Variants in SORCS3 observed in about 807,000 individuals in gnomAD.
The protein encoded by SORCS3 is VPS10 domain-containing receptor SorCS3.
A neutral mutation model predicts 146.3 loss-of-function variants in SORCS3; 57 were observed. The ratio of observed to expected loss-of-function variants is 0.39; its 90% CI spans 0.31 to 0.49. The LOEUF (loss-of-function observed/expected upper bound fraction) is 0.49, where lower values mean the gene tolerates loss of function less well. Ranked by LOEUF, SORCS3 falls within the 20% of genes least tolerant of loss-of-function variation. The pLI is 0.92. For missense variants in SORCS3, 1,341 were observed against 1,575.5 expected (o/e 0.85, Z 2.52); for synonymous variants, 653 against 618.5 (o/e 1.06, Z -0.83).
chr10:105,243,954 T>C (rs2056851387), intron 20 of SORCS3, among the ~76,000 whole-genome samples: 2 of 152,160 alleles, frequency 1.3e-5, no homozygotes, highest in South Asian at 4.1e-4. Flanking sequence ...ATGGGTATGT[T>C]GTGAAGGACT....
intron 1 of SORCS3, among the ~76,000 whole-genome samples, chr10:104,694,966 T>C (rs2016157507): frequency 6.6e-6 from 1 of 152,196 alleles, no homozygotes; most frequent in South Asian, 2.1e-4. Flanking sequence ...CAAACAGCTT[T>C]TCTGTATTTT....
At chr10:105,224,582 C>T (rs906981666) in intron 20 of SORCS3, among the ~76,000 whole-genome samples, 5 of 152,264 alleles carry the variant, frequency 3.3e-5, no homozygotes, top group Admixed American at 1.3e-4. Flanking sequence ...CATAAGTTTT[C>T]GACTACTTTG....
rs1406142556 is a variant in SORCS3 at position 105,157,130 on chromosome 10, T to A, written c.1483-8T>A. ...GCATGGTTCTCCATCTCTCACCTTT[T>A]TTCCTAGGTAGCAGGTATCAAAGGG... On this transcript the variant is annotated splice_polypyrimidine_tract_variant and splice_region_variant and intron_variant, in intron 9 of 26. Transcript: ENST00000369701. The A allele has an allele frequency of 1.2e-6, 2 of 1,613,724 alleles. No homozygotes were observed. Among genetic ancestry groups the A allele is most frequent in the African/African-American group, 2.7e-5 (2 of 75,024 alleles).
intron 1 of SORCS3, among the ~76,000 whole-genome samples, chr10:104,644,340 T>G (rs2015466362): frequency 6.6e-6 from 1 of 152,264 alleles, no homozygotes; most frequent in South Asian, 2.1e-4. Flanking sequence ...TGACCACATT[T>G]TGTAGGCAAT....
At chr10:105,030,267 T>A (rs1292227999) in intron 4 of SORCS3, among the ~76,000 whole-genome samples, 1 of 152,222 alleles carries the variant, frequency 6.6e-6, no homozygotes, top group African/African-American at 2.4e-5. Flanking sequence ...GCGCTTATTG[T>A]TAACTGTGGT....
At chr10:104,927,214 G>A (rs1159701844) in intron 3 of SORCS3, among the ~76,000 whole-genome samples, 2 of 152,174 alleles carry the variant, frequency 1.3e-5, no homozygotes, top group Admixed American at 6.5e-5. Context: ...TCTCTTCCGT[G>A]TGAACTCTGA....
At chr10:104,696,567 G>GTA (rs36130802) in intron 1 of SORCS3, among the ~76,000 whole-genome samples, 22,450 of 27,608 alleles carry the variant, frequency 0.81, 10,282 homozygotes, top group East Asian at 0.92. Context: ...TATAATATAC[G>GTA]TATATAATAT....
intron 2 of SORCS3, among the ~76,000 whole-genome samples, chr10:104,861,117 G>T (rs1403723025): frequency 6.6e-6 from 1 of 152,146 alleles, no homozygotes; most frequent in Admixed American, 6.5e-5. Context: ...TTTGGAACAG[G>T]TCTCAACTCC....
At chr10:104,763,942 A>G (rs905638067) in intron 1 of SORCS3, among the ~76,000 whole-genome samples, 1 of 150,444 alleles carries the variant, frequency 6.6e-6, no homozygotes, top group African/African-American at 2.5e-5. Context: ...TTTGCCTTCC[A>G]CCATGATTGT....
intron 12 of SORCS3, among the ~76,000 whole-genome samples, chr10:105,166,416 G>C (rs541692635): frequency 6.6e-6 from 1 of 152,268 alleles, no homozygotes; most frequent in Non-Finnish European, 1.5e-5. Context: ...TTAGTTCTCT[G>C]CTGGAGAAAT....
At chr10:104,891,387 G>T (rs1401057502) in intron 2 of SORCS3, among the ~76,000 whole-genome samples, 1 of 152,162 alleles carries the variant, frequency 6.6e-6, no homozygotes, top group Admixed American at 6.5e-5. Flanking sequence ...CTCTCTACTT[G>T]TGCAGCTGTC....
chr10:105,041,403 T>TAA (rs1199705388), intron 4 of SORCS3, among the ~76,000 whole-genome samples: 246 of 143,176 alleles, frequency 1.7e-3, no homozygotes, highest in African/African-American at 5.6e-3. Context: ...TTTTGAGGAT[T>TAA]AAAAAAAATA....
intron 2 of SORCS3, among the ~76,000 whole-genome samples, chr10:104,867,195 T>A (rs1315999413): frequency 1.5e-5 from 1 of 67,248 alleles, no homozygotes; most frequent in Non-Finnish European, 2.6e-5. Flanking sequence ...CTGGGTGGGC[T>A]TGGGAGAGGA....
chr10:104,900,269 G>T (rs1285543970), intron 2 of SORCS3, among the ~76,000 whole-genome samples: 3 of 152,118 alleles, frequency 2.0e-5, no homozygotes, highest in African/African-American at 7.2e-5. Flanking sequence ...CTCAGGTTTG[G>T]TATCTTTAAG....
chr10:104,930,906 TAGTG>T (rs1564715929), intron 3 of SORCS3, among the ~76,000 whole-genome samples: 1 of 152,204 alleles, frequency 6.6e-6, no homozygotes, highest in East Asian at 1.9e-4. Context: ...TGCAAATACT[TAGTG>T]AGTGACCAAC....
chr10:104,968,574 A>T (rs539050231), intron 3 of SORCS3, among the ~76,000 whole-genome samples: 1 of 152,348 alleles, frequency 6.6e-6, no homozygotes, highest in East Asian at 1.9e-4. Context: ...TTCTCATGTC[A>T]GGACAAACTG....
At chr10:105,066,903 T>G (rs921953137) in intron 5 of SORCS3, among the ~76,000 whole-genome samples, 4 of 152,144 alleles carry the variant, frequency 2.6e-5, no homozygotes, top group African/African-American at 9.7e-5. Flanking sequence ...TGTACCAGCT[T>G]TCCTTTGCCC....
rs535155193 is a variant in SORCS3, at chr10:105,154,741, A to G, written c.1483-2397A>G. On this transcript the variant is annotated intron_variant, in intron 9 of 26. Transcript: ENST00000369701. Reference sequence around the variant, plus strand: ...AGTCTTCATAATACTTTTGTCTTAGAAATATATGTGTACATACATGTGTAC... The same window carrying G: ...AGTCTTCATAATACTTTTGTCTTAGGAATATATGTGTACATACATGTGTAC... Among the ~76,000 whole-genome samples, 3 of 152,354 alleles carry G rather than the reference A, an allele frequency of 2.0e-5. No homozygotes were observed. The South Asian group carries it at 6.2e-4, about 32-fold the overall frequency.
At chr10:104,974,218 G>T (rs1157062692) in intron 3 of SORCS3, among the ~76,000 whole-genome samples, 1 of 152,120 alleles carries the variant, frequency 6.6e-6, no homozygotes, top group East Asian at 1.9e-4. Context: ...GGTCTGCTTG[G>T]TGCAGAGCTG....
Sources: gnomAD v4.1 joint callset for allele counts (sites outside exome capture counted in the v4.1 genomes callset) on GRCh38, gnomAD v4.1.1 for gene constraint, MANE v1.5 for transcripts, NCBI Gene and HGNC (gene_info 2026-07-23, HGNC 2026-07-21) for gene names.